Variants in NLRX1 observed in about 807,000 individuals in gnomAD.
NLRX1 encodes NOD-like receptor X1.
Under a neutral mutation model 74.2 loss-of-function variants are expected in NLRX1, and 67 were observed. The observed-to-expected ratio is 0.90, with a 90% CI of 0.74 to 1.11. NLRX1 has a LOEUF of 1.11. Among genes scored for constraint, NLRX1 ranks in the 50% least tolerant of loss-of-function variants. The pLI is 0.00. For missense variants in NLRX1, 1,191 were observed against 1,305.4 expected (o/e 0.91, Z 1.35); for synonymous variants, 506 against 559.1 (o/e 0.91, Z 1.34).
At chr11:119,171,242 T>G in intron 1 of NLRX1, 114 bp from the exon 2 acceptor site, 3 of 630,916 alleles carry the variant, frequency 4.8e-6, no homozygotes, top group East Asian at 3.3e-5. Flanking sequence ...AGGGCCAACA[T>G]TTGAGGAAGG....
Position 119,173,152 on chromosome 11 carries a change from C to G in NLRX1, c.229+163C>G, listed in dbSNP as rs1948598083. ...CCATCCGTCTATGTATCCCTTCCTG[C>G]AATACTCTTGCAATGCACACTTATA... On this transcript the variant is annotated intron_variant, in intron 4 of 9. Coordinates refer to ENST00000409109, the MANE Select transcript of NLRX1 (RefSeq NM_001282144.2). The surrounding 1 kb of genome is among the most constrained non-coding windows in gnomAD (Gnocchi z 4.0). The G allele has an allele frequency of 1.6e-6, 1 of 642,418 alleles. No individual in the cohort carries two copies. The highest frequency in any genetic ancestry group is 2.8e-6 in the Non-Finnish European group (1 of 360,764). The allele number at this position is 642,418 out of a possible 1,614,324, so 39.8% of individuals were successfully genotyped here.
chr11:119,183,774 T>C lies in NLRX1; in HGVS notation c.*335T>C, dbSNP rs1565837684. On this transcript the variant is annotated 3_prime_UTR_variant, in exon 10 of 10. Coordinates refer to ENST00000409109, the MANE Select transcript of NLRX1 (RefSeq NM_001282144.2). The surrounding 1 kb of genome is among the most constrained non-coding windows in gnomAD (Gnocchi z 5.7). ...TGCCTCCCCCTCCTCTCAAAGAGCCTCTGACTGTGTCACCAAGGGGCTCAC... is the reference window on the plus strand; with the variant it reads ...TGCCTCCCCCTCCTCTCAAAGAGCCCCTGACTGTGTCACCAAGGGGCTCAC... 1 of 780,554 alleles carries C rather than the reference T, an allele frequency of 1.3e-6. No homozygotes were observed. The highest frequency in any genetic ancestry group is 1.3e-5 in the South Asian group (1 of 74,594). 48.4% of individuals were successfully genotyped at this position (780,554 alleles called of 1,614,324 possible).
chr11:119,174,784 T>C lies in NLRX1; in HGVS notation c.1181T>C (p.Leu394Pro). 6 of 1,613,850 alleles carry C rather than the reference T, an allele frequency of 3.7e-6. No homozygotes were observed. The highest frequency in any genetic ancestry group is 5.1e-6 in the Non-Finnish European group (6 of 1,180,032). The change falls in exon 6 of 10, where the codon CTT becomes CCT. Residue 394 changes from leucine to proline, a missense_variant. Leu to Pro is a moderately conservative substitution (Grantham distance 98). Coordinates refer to ENST00000409109, the MANE Select transcript of NLRX1 (RefSeq NM_001282144.2). ...GCCCCCACGCCTGCTGGGCAGACCC[T>C]TACAAGCATCTATACCAGCTTCCTG... is the stretch of plus-strand genomic sequence containing the variant. ...LHAPTPAGQTLTSIYTSFLRL... is the reference protein window; with the variant it reads ...LHAPTPAGQTPTSIYTSFLRL...
At chr11:119,181,310 G>T (rs760004392) in intron 8 of NLRX1, 53 bp downstream of exon 8, 1 of 1,390,148 alleles carries the variant, frequency 7.2e-7, no homozygotes, top group South Asian at 1.2e-5. Context: ...TCAAGGGTGA[G>T]CTCCCTGCTT....
In NLRX1 at chr11:119,173,084, C is replaced by T; in HGVS notation, c.229+95C>T. 1.1e-6 allele frequency: 1 copy of T among 916,256 alleles called. No homozygotes were observed. The highest frequency in any genetic ancestry group is 1.8e-5 in the Admixed American group (1 of 56,236). 56.8% of individuals were successfully genotyped at this position (916,256 alleles called of 1,614,324 possible). On this transcript the variant is annotated intron_variant, in intron 4 of 9. Transcript: ENST00000409109. This position sits in a 1 kb window ranked among gnomAD's most constrained non-coding sequence, Gnocchi z 4.0. ...TGAGGGAGGCATAGAGGATCCACTGCCATCTTCCATCGGTGGTCCCTCCTC... is the reference window on the plus strand; with the variant it reads ...TGAGGGAGGCATAGAGGATCCACTGTCATCTTCCATCGGTGGTCCCTCCTC...
At position 119,183,114 on chromosome 11, in the gene NLRX1, C is replaced by T. The variant is rs1948884026; in HGVS notation, c.2607-4C>T. On this transcript the variant is annotated splice_region_variant and splice_polypyrimidine_tract_variant and intron_variant, in intron 9 of 9. Coordinates refer to ENST00000409109, the MANE Select transcript of NLRX1 (RefSeq NM_001282144.2). This position sits in a 1 kb window ranked among gnomAD's most constrained non-coding sequence, Gnocchi z 5.7. ...AATGGCATCGACTTTCTCTCTCCTGCCAGCCTCTACTTCAATGAGCTGAGC... is the reference window on the plus strand; with the variant it reads ...AATGGCATCGACTTTCTCTCTCCTGTCAGCCTCTACTTCAATGAGCTGAGC... 1 of 1,613,164 alleles carries T rather than the reference C, an allele frequency of 6.2e-7. No homozygotes were observed. Among genetic ancestry groups the T allele is most frequent in the African/African-American group, 1.3e-5 (1 of 74,846 alleles).
At chr11:119,170,006 A>G (rs1161249204) in intron 1 of NLRX1, among the ~76,000 whole-genome samples, 2 of 103,172 alleles carry the variant, frequency 1.9e-5, no homozygotes, top group Admixed American at 1.8e-4. Context: ...TCAGGAAAAA[A>G]AAAAAAAAAA....
chr11:119,180,869 T>C (rs542019591), intron 7 of NLRX1, among the ~76,000 whole-genome samples: 1 of 151,956 alleles, frequency 6.6e-6, no homozygotes, highest in Admixed American at 6.6e-5. Context: ...AGCAAGACCC[T>C]GTCTCTACAA....
chr11:119,174,340 A>G, intron 5 of NLRX1, 113 bp from the exon 6 acceptor site: 1 of 1,163,478 alleles, frequency 8.6e-7, no homozygotes, highest in East Asian at 2.3e-5. Flanking sequence ...TATAACTGTT[A>G]TCCTCATCAA....
In NLRX1 at chr11:119,174,819, T is replaced by G. The variant is rs774692870; in HGVS notation, c.1216T>G (p.Phe406Val). Residue 406 changes from phenylalanine (F) to valine (V), a missense_variant, in exon 6 of 10, where the codon TTC (phenylalanine) becomes GTC (valine). Phe to Val is a conservative substitution (Grantham distance 50, BLOSUM62 -1). Coordinates refer to ENST00000409109, the MANE Select transcript of NLRX1 (RefSeq NM_001282144.2). ...SIYTSFLRLN[F>V]SGETLDSTDP... ...CTATACCAGCTTCCTGCGCCTCAAC[T>G]TCAGCGGGGAAACCCTGGACAGCAC... 1 of 1,613,990 alleles carries G rather than the reference T, an allele frequency of 6.2e-7. No homozygotes were observed. The highest frequency in any genetic ancestry group is 8.5e-7 in the Non-Finnish European group (1 of 1,180,022).
chr11:119,183,500 C>A lies in NLRX1; in HGVS notation c.*61C>A. 1.4e-6 allele frequency: 2 copies of A among 1,471,482 alleles called. No homozygotes were observed. Among genetic ancestry groups the A allele is most frequent in the East Asian group, 2.4e-5 (1 of 41,554 alleles). The allele number at this position is 1,471,482 out of a possible 1,614,324, so 91.2% of individuals were successfully genotyped here. A position where few individuals can be genotyped will look rare whatever the true frequency, so the allele number is the denominator to read the frequency against. ...GGCCCTAAACCTTTTCCCTCTGTGG[C>A]CTCCTGGCTTGCACTGCTCCCTCTA... is the stretch of plus-strand genomic sequence containing the variant. On this transcript the variant is annotated 3_prime_UTR_variant, in exon 10 of 10. Coordinates refer to ENST00000409109, the MANE Select transcript of NLRX1 (RefSeq NM_001282144.2). The surrounding 1 kb of genome is among the most constrained non-coding windows in gnomAD (Gnocchi z 5.7).
Position 119,183,307 on chromosome 11 carries a change from C to A in NLRX1, c.2796C>A (p.His932Gln). The change falls in exon 10 of 10, where the codon CAC (histidine) becomes CAA (glutamine). Residue 932 changes from histidine to glutamine, a missense_variant. By Grantham distance (24) the His-to-Gln change is conservative. Transcript: ENST00000409109. The surrounding 1 kb of genome is among the most constrained non-coding windows in gnomAD (Gnocchi z 5.7). ...NSWDRARVQR[H>Q]LELLLRDLED... ...GGGATCGGGCCCGGGTTCAGCGACA[C>A]CTTGAGCTCCTACTGCGGGATCTGG... 6.2e-7 allele frequency: 1 copy of A among 1,614,216 alleles called. No individual in the cohort carries two copies. The highest frequency in any genetic ancestry group is 8.5e-7 in the Non-Finnish European group (1 of 1,180,052).
intron 7 of NLRX1, 75 bp downstream of exon 7, chr11:119,180,363 C>G: frequency 8.1e-7 from 1 of 1,239,074 alleles, no homozygotes; most frequent in Non-Finnish European, 1.1e-6. Flanking sequence ...AAGAAAGTGC[C>G]AGGGAAACCA....
rs1948604468 is a variant in NLRX1 at position 119,173,485 on chromosome 11, T to G, written c.236T>G (p.Ile79Arg). 1 of 1,613,086 alleles carries G rather than the reference T, an allele frequency of 6.2e-7. No individual in the cohort carries two copies. The change falls in exon 5 of 10, where the codon ATA becomes AGA. Residue 79 changes from isoleucine (I) to arginine (R), a missense_variant. By Grantham distance (97) the Ile-to-Arg change is moderately conservative. Coordinates refer to ENST00000409109, the MANE Select transcript of NLRX1 (RefSeq NM_001282144.2). This position sits in a 1 kb window ranked among gnomAD's most constrained non-coding sequence, Gnocchi z 4.0. ...LFPSASATEA[I>R]QRHRRNLAEW... The stretch of plus-strand genomic sequence containing the variant: ...CCCTTATCTTCCCACTCAGAAGCTA[T>G]ACAGCGGCACCGCCGGAACCTGGCT...
At position 119,183,693 on chromosome 11, in the gene NLRX1, A is replaced by G. The variant is rs866596020; in HGVS notation, c.*254A>G. ...GCCTCCTCTCCATTCAGCTAGAAGGACCAAAGCATGTGGCATTTGGATGGC... is the reference window on the plus strand; with the variant it reads ...GCCTCCTCTCCATTCAGCTAGAAGGGCCAAAGCATGTGGCATTTGGATGGC... On this transcript the variant is annotated 3_prime_UTR_variant, in exon 10 of 10. Coordinates refer to ENST00000409109, the MANE Select transcript of NLRX1 (RefSeq NM_001282144.2). The surrounding 1 kb of genome is among the most constrained non-coding windows in gnomAD (Gnocchi z 5.7). The G allele has an allele frequency of 3.4e-5, 26 of 755,816 alleles. 1 individual carries two copies. In the Middle Eastern group the frequency reaches 4.3e-3, roughly 124 times the overall value. The allele number at this position is 755,816 out of a possible 1,614,324, so 46.8% of individuals were successfully genotyped here.
At chr11:119,172,209 A>G in intron 2 of NLRX1, 147 bp from the exon 3 acceptor site, 1 of 661,294 alleles carries the variant, frequency 1.5e-6, no homozygotes, top group Admixed American at 2.4e-5. Context: ...TCGAATAATC[A>G]CACAATGAAA....
intron 6 of NLRX1, 123 bp from the exon 7 acceptor site, chr11:119,179,555 CATGATCAGACAAATT>C: frequency 1.5e-6 from 1 of 687,236 alleles, no homozygotes; most frequent in Non-Finnish European, 2.4e-6. Context: ...AGGGGAGTAG[CATGATCAGACAAATT>C]ATGCTAAGTT....
intron 6 of NLRX1, among the ~76,000 whole-genome samples, chr11:119,179,296 G>T (rs1424732712): frequency 6.6e-6 from 1 of 152,212 alleles, no homozygotes; most frequent in East Asian, 1.9e-4. Context: ...ACATGAGACA[G>T]GTGTTGAGAG....
chr11:119,173,414 G>C lies in NLRX1; in HGVS notation c.230-65G>C, dbSNP rs776217012. 1.5e-4 allele frequency: 226 copies of C among 1,548,878 alleles called. No individual in the cohort carries two copies. The highest frequency in any genetic ancestry group is 1.8e-4 in the Non-Finnish European group (211 of 1,145,340). Reference sequence around the variant, plus strand: ...CCCAGCCTGACCTCACCACCGCCCTGATTGGCCCTAAGCTACATCTCCAGG... The same window carrying C: ...CCCAGCCTGACCTCACCACCGCCCTCATTGGCCCTAAGCTACATCTCCAGG... On this transcript the variant is annotated intron_variant, in intron 4 of 9. Transcript: ENST00000409109. The surrounding 1 kb of genome is among the most constrained non-coding windows in gnomAD (Gnocchi z 4.0).
Sources: allele counts gnomAD v4.1 joint callset (sites outside exome capture counted in the v4.1 genomes callset), GRCh38; gene constraint gnomAD v4.1.1; non-coding constraint Gnocchi (gnomAD v3.1); transcripts MANE v1.5; gene names NCBI Gene and HGNC (gene_info 2026-07-23, HGNC 2026-07-21).